Variants in FAM53A observed in about 807,000 individuals in gnomAD.
The protein encoded by FAM53A is protein FAM53A.
A neutral mutation model predicts 26.6 loss-of-function variants in FAM53A; 28 were observed. That is an observed-to-expected ratio of 1.05 (90% CI 0.78 to 1.45). The LOEUF (loss-of-function observed/expected upper bound fraction) is 1.45. Ranked by LOEUF, FAM53A falls within the 40% of genes most tolerant of loss-of-function variation. The probability of loss-of-function intolerance (pLI) is 0.00; values close to 1 mark genes in which losing one functional copy is unlikely to be tolerated. For synonymous variants in FAM53A, 290 were observed against 253.1 expected, an observed-to-expected ratio of 1.15 and a Z score of -1.38; for missense variants, 650 against 575.8, an observed-to-expected ratio of 1.13 and a Z score of -1.32.
intron 1 of FAM53A, among the ~76,000 whole-genome samples, chr4:1,625,015 CA>C (rs1195494478): frequency 1.1e-4 from 16 of 140,400 alleles, no homozygotes; most frequent in African/African-American, 2.6e-4. Context: ...CCCCACGTCC[CA>C]GCCCACGTGG....
the FAM53A span, among the ~76,000 whole-genome samples, chr4:1,585,775 A>G: frequency 6.6e-6 from 1 of 152,154 alleles, no homozygotes; most frequent in African/African-American, 2.4e-5. Flanking sequence ...CACCCAGGCT[A>G]GAGTGCAGTA....
the FAM53A span, among the ~76,000 whole-genome samples, chr4:1,600,553 C>T: frequency 6.6e-6 from 1 of 152,232 alleles, no homozygotes; most frequent in African/African-American, 2.4e-5. Context: ...GCAGGCCCCA[C>T]ACGGCCAGGG....
chr4:1,584,933 G>C, the FAM53A span, among the ~76,000 whole-genome samples: 4 of 152,220 alleles, frequency 2.6e-5, no homozygotes, highest in Non-Finnish European at 4.4e-5. Flanking sequence ...TCAGTGGGAG[G>C]AATGTCATGG....
the FAM53A span, among the ~76,000 whole-genome samples, chr4:1,608,290 G>GC: frequency 6.6e-6 from 1 of 152,156 alleles, no homozygotes; most frequent in East Asian, 1.9e-4. Context: ...ACCCCAGGCG[G>GC]CCCCTCCTGA....
the FAM53A span, among the ~76,000 whole-genome samples, chr4:1,598,307 G>T: frequency 3.9e-4 from 59 of 152,230 alleles, no homozygotes; most frequent in Non-Finnish European, 6.9e-4. Context: ...TGGAGTGTGC[G>T]GGAAAAACGT....
chr4:1,609,135 G>C, the FAM53A span, among the ~76,000 whole-genome samples: 1 of 152,100 alleles, frequency 6.6e-6, no homozygotes, highest in Non-Finnish European at 1.5e-5. Context: ...GGGCTGTCCA[G>C]AGTTGTCGCT....
At chr4:1,584,303 CT>C in the FAM53A span, among the ~76,000 whole-genome samples, 1 of 152,222 alleles carries the variant, frequency 6.6e-6, no homozygotes, top group Non-Finnish European at 1.5e-5. Flanking sequence ...GAGCCTACAG[CT>C]TTACCGTTTA....
chr4:1,595,019 C>T, the FAM53A span, among the ~76,000 whole-genome samples: 1 of 152,218 alleles, frequency 6.6e-6, no homozygotes, highest in Non-Finnish European at 1.5e-5. Context: ...ACCCCATCCC[C>T]CCACAGGATG....
At chr4:1,684,489 C>G (rs911418810), upstream of FAM53A, among the ~76,000 whole-genome samples, 2 of 150,726 alleles carry the variant, frequency 1.3e-5, no homozygotes, top group Non-Finnish European at 3.0e-5. Context: ...CACCGCCCAC[C>G]GAGTCCGCAG....
At chr4:1,682,936 C>T (rs1045712620) in intron 1 of FAM53A, among the ~76,000 whole-genome samples, 3 of 152,216 alleles carry the variant, frequency 2.0e-5, no homozygotes, top group African/African-American at 7.2e-5. Context: ...GTGAGTGTGA[C>T]CCTCAAAGTC....
the FAM53A span, among the ~76,000 whole-genome samples, chr4:1,605,975 G>A: frequency 3.0e-3 from 452 of 151,776 alleles, 2 homozygotes; most frequent in African/African-American, 0.01. This position sits in a 1 kb window ranked among gnomAD's most constrained non-coding sequence, Gnocchi z 5.7. Flanking sequence ...CATGACTGAC[G>A]TTAGCTGGCC....
At position 1,654,971 on chromosome 4, in the gene FAM53A, G is replaced by A. The variant is rs1243916908; in HGVS notation, c.882+7C>T. ...CCTCTGAGCCCCTGGAAATAAGAAA[G>A]CCTCACCTGGGTCATTTTCAGGAAG... On this transcript the variant is annotated splice_region_variant and intron_variant, in intron 4 of 4. Coordinates refer to ENST00000308132, the MANE Select transcript of FAM53A (RefSeq NM_001174070.3). The A allele has an allele frequency of 6.6e-7, 1 of 1,507,574 alleles. No individual in the cohort carries two copies. The highest frequency in any genetic ancestry group is 8.9e-7 in the Non-Finnish European group (1 of 1,125,940). The allele number at this position is 1,507,574 out of a possible 1,614,324, so 93.4% of individuals were successfully genotyped here. A position where few individuals can be genotyped will look rare whatever the true frequency, so the allele number is the denominator to read the frequency against.
At chr4:1,617,429 C>T (rs555799505), downstream of FAM53A, among the ~76,000 whole-genome samples, 14 of 152,128 alleles carry the variant, frequency 9.2e-5, no homozygotes, top group Non-Finnish European at 1.6e-4. Flanking sequence ...AGTGCTGAAG[C>T]CTTCCCTCCC....
intron 4 of FAM53A, among the ~76,000 whole-genome samples, chr4:1,648,846 C>T (rs1712477967): frequency 6.6e-6 from 1 of 152,238 alleles, no homozygotes; most frequent in African/African-American, 2.4e-5. Flanking sequence ...GGAGTGGTGG[C>T]TCACGCCTGT....
chr4:1,627,447 G>A (rs764450080), intron 1 of FAM53A, among the ~76,000 whole-genome samples: 65 of 152,180 alleles, frequency 4.3e-4, no homozygotes, highest in Non-Finnish European at 7.5e-4. Flanking sequence ...GGCTGCTTAC[G>A]CTGGAGACTC....
intron 4 of FAM53A, among the ~76,000 whole-genome samples, chr4:1,646,061 A>G (rs901673143): frequency 1.3e-5 from 2 of 151,966 alleles, no homozygotes; most frequent in Non-Finnish European, 2.9e-5. Context: ...ACCATACACC[A>G]GACTTGCTGG....
At chr4:1,669,893 G>A (rs1453728748) in intron 1 of FAM53A, among the ~76,000 whole-genome samples, 3 of 152,206 alleles carry the variant, frequency 2.0e-5, no homozygotes, top group Non-Finnish European at 2.9e-5. Context: ...CCTCCAGGGT[G>A]TGCGTCCTCA....
In FAM53A at chr4:1,630,982, G is replaced by A. The variant is rs1036746379; in HGVS notation, c.432-12871C>T. Reference sequence around the variant, plus strand: ...TGTTTGAGCCCCAGAGGTCAAGACTGCAGTGAGCCATGATCACACCACTGC... The same window carrying A: ...TGTTTGAGCCCCAGAGGTCAAGACTACAGTGAGCCATGATCACACCACTGC... On this transcript the variant is annotated intron_variant, in intron 1 of 1. Transcript: ENST00000489029. The surrounding 1 kb of genome is among the most constrained non-coding windows in gnomAD (Gnocchi z 4.3). Among the ~76,000 whole-genome samples the A allele has an allele frequency of 2.0e-5, 3 of 152,224 alleles. No homozygotes were observed. Among genetic ancestry groups the A allele is most frequent in the African/African-American group, 4.8e-5 (2 of 41,464 alleles).
At chr4:1,670,262 C>T (rs1359147969) in intron 1 of FAM53A, among the ~76,000 whole-genome samples, 1 of 152,270 alleles carries the variant, frequency 6.6e-6, no homozygotes, top group Non-Finnish European at 1.5e-5. Flanking sequence ...TTAAAATGTA[C>T]ACACACAACC....
Sources: allele counts gnomAD v4.1 joint callset (sites outside exome capture counted in the v4.1 genomes callset), GRCh38; gene constraint gnomAD v4.1.1; non-coding constraint Gnocchi (gnomAD v3.1); transcripts MANE v1.5; gene names NCBI Gene and HGNC (gene_info 2026-07-23, HGNC 2026-07-21).